Variants in CELF4 observed in about 807,000 individuals in gnomAD.
CELF4 encodes the protein CUG-BP- and ETR-3-like factor 4.
In CELF4, 18 loss-of-function variants were observed where a neutral mutation model predicts 59.9. That is an observed-to-expected ratio of 0.30 (90% CI 0.21 to 0.45). CELF4 has a LOEUF of 0.45. Ranked by LOEUF, CELF4 falls within the 20% of genes least tolerant of loss-of-function variation. The probability of loss-of-function intolerance (pLI) is 1.00; values close to 1 mark genes in which losing one functional copy is unlikely to be tolerated. For synonymous variants in CELF4, 261 were observed against 267.1 expected (o/e 0.98, Z 0.22); for missense variants, 456 against 689.0 (o/e 0.66, Z 3.79).
At chr18:37,283,542 T>C (rs903376274) in intron 3 of CELF4, among the ~76,000 whole-genome samples, 35 of 152,164 alleles carry the variant, frequency 2.3e-4, no homozygotes, top group Non-Finnish European at 3.7e-4. Context: ...AGATGCTCAA[T>C]AAATACATGT....
intron 2 of CELF4, among the ~76,000 whole-genome samples, chr18:37,404,440 G>T (rs2099360841): frequency 6.6e-6 from 1 of 152,246 alleles, no homozygotes. Context: ...GCAAAGTGGT[G>T]GAGTAGGATC....
At chr18:37,461,407 C>A (rs1445363968) in intron 2 of CELF4, among the ~76,000 whole-genome samples, 1 of 152,166 alleles carries the variant, frequency 6.6e-6, no homozygotes, top group African/African-American at 2.4e-5. Context: ...ATGTCAGCAG[C>A]AAGAAGTGCT....
chr18:37,442,799 G>C (rs543324925), intron 2 of CELF4, among the ~76,000 whole-genome samples: 1 of 152,180 alleles, frequency 6.6e-6, no homozygotes, highest in Non-Finnish European at 1.5e-5. Flanking sequence ...TTACGGAGGC[G>C]CCTTGCAATT....
intron 1 of CELF4, among the ~76,000 whole-genome samples, chr18:37,525,957 C>T (rs112828168): frequency 0.018 from 2,757 of 152,270 alleles, 79 homozygotes; most frequent in African/African-American, 0.056. Flanking sequence ...CCTTACCTCC[C>T]TTCGGAATCA....
intron 2 of CELF4, among the ~76,000 whole-genome samples, chr18:37,423,087 C>CAG (rs138618926): frequency 0.27 from 40,834 of 150,162 alleles, 5,568 homozygotes; most frequent in Non-Finnish European, 0.3. Flanking sequence ...CACACAGAGA[C>CAG]AGAGAGAGAG....
intron 2 of CELF4, among the ~76,000 whole-genome samples, chr18:37,349,253 G>A (rs1245249076): frequency 6.6e-6 from 1 of 152,232 alleles, no homozygotes; most frequent in Non-Finnish European, 1.5e-5. Flanking sequence ...TCGCATCAAG[G>A]ATAGCCACCA....
chr18:37,393,890 A>T (rs1432146822), intron 2 of CELF4, among the ~76,000 whole-genome samples: 1 of 148,030 alleles, frequency 6.8e-6, no homozygotes, highest in African/African-American at 2.5e-5. Flanking sequence ...AGCAACACCA[A>T]TAATTCCAAC....
chr18:37,414,500 TTTC>T (rs1414134430), intron 2 of CELF4, among the ~76,000 whole-genome samples: 1 of 42,904 alleles, frequency 2.3e-5, no homozygotes, highest in Non-Finnish European at 5.5e-5. Flanking sequence ...TTTCTTTTCT[TTTC>T]TTTTTTTTTT....
chr18:37,272,620 G>C (rs1439653629), intron 7 of CELF4, among the ~76,000 whole-genome samples: 1 of 146,568 alleles, frequency 6.8e-6, no homozygotes, highest in East Asian at 2.0e-4. Flanking sequence ...GGTTCCTTCT[G>C]TGCTTGGGCC....
rs1289286739 is a variant in CELF4 at position 37,254,046 on chromosome 18, C to T, written c.1334-108G>A. 12 of 804,952 alleles carry T rather than the reference C, an allele frequency of 1.5e-5. 1 individual carries two copies. The highest frequency in any genetic ancestry group is 2.0e-5 in the Non-Finnish European group (12 of 606,770). The allele number at this position is 804,952 out of a possible 1,614,324, so 49.9% of individuals were successfully genotyped here. ...GGGGCGGGGCGGGCCTGAGGCTCTC[C>T]CCCTCGGGCCCCGCCCCCGGCCCCG... On this transcript the variant is annotated intron_variant, in intron 11 of 12. Transcript: ENST00000420428. This position sits in a 1 kb window ranked among gnomAD's most constrained non-coding sequence, Gnocchi z 5.1.
intron 2 of CELF4, among the ~76,000 whole-genome samples, chr18:37,404,624 C>T (rs947256160): frequency 1.1e-4 from 16 of 152,192 alleles, no homozygotes; most frequent in Admixed American, 6.5e-5. Context: ...CGACCTGCTC[C>T]AGCACTCTCA....
intron 1 of CELF4, among the ~76,000 whole-genome samples, chr18:37,549,057 G>A (rs2099982323): frequency 6.6e-6 from 1 of 152,330 alleles, no homozygotes; most frequent in South Asian, 2.1e-4. Flanking sequence ...CTGGTGAAGC[G>A]GGGCCAGTCG....
chr18:37,273,959 A>G (rs1162021926), intron 6 of CELF4: 1 of 1,115,716 alleles, frequency 9.0e-7, no homozygotes, highest in Non-Finnish European at 1.1e-6. Flanking sequence ...GTGGTTTGCA[A>G]CCAATGACCT....
chr18:37,394,044 G>A (rs1285743755), intron 2 of CELF4, among the ~76,000 whole-genome samples: 2 of 152,138 alleles, frequency 1.3e-5, no homozygotes, highest in African/African-American at 4.8e-5. Flanking sequence ...CGCAGGGCGC[G>A]CGCGACAACT....
chr18:37,467,529 G>A (rs2099811942), intron 2 of CELF4, among the ~76,000 whole-genome samples: 1 of 152,144 alleles, frequency 6.6e-6, no homozygotes, highest in African/African-American at 2.4e-5. Context: ...CTGAGGATGA[G>A]GTGGCACAGA....
intron 2 of CELF4, among the ~76,000 whole-genome samples, chr18:37,436,606 C>T (rs1322033964): frequency 1.3e-5 from 2 of 152,230 alleles, no homozygotes; most frequent in Non-Finnish European, 2.9e-5. Flanking sequence ...ACTTCCCTGG[C>T]AAGCAGCTCA....
At chr18:37,410,820 G>A (rs1444745898) in intron 2 of CELF4, among the ~76,000 whole-genome samples, 7 of 152,202 alleles carry the variant, frequency 4.6e-5, no homozygotes, top group African/African-American at 1.7e-4. Flanking sequence ...CCCTGCCAGG[G>A]CTGGGCTGCT....
At chr18:37,359,745 C>T (rs1212086557) in intron 2 of CELF4, among the ~76,000 whole-genome samples, 1 of 152,178 alleles carries the variant, frequency 6.6e-6, no homozygotes, top group African/African-American at 2.4e-5. Context: ...GAAAGGGTTT[C>T]ACCCTGTTAG....
At chr18:37,390,941 G>A (rs1465144680) in intron 2 of CELF4, among the ~76,000 whole-genome samples, 1 of 152,098 alleles carries the variant, frequency 6.6e-6, no homozygotes, top group Non-Finnish European at 1.5e-5. Flanking sequence ...GGAGCAGAGG[G>A]GCAGCCGCTG....
Sources: gnomAD v4.1 joint callset for allele counts (sites outside exome capture counted in the v4.1 genomes callset) on GRCh38, gnomAD v4.1.1 for gene constraint, Gnocchi (gnomAD v3.1) non-coding constraint, MANE v1.5 for transcripts, NCBI Gene and HGNC (gene_info 2026-07-23, HGNC 2026-07-21) for gene names.